Variants in OR14I1 observed in about 807,000 individuals in gnomAD.
OR14I1 encodes olfactory receptor family 14 subfamily I member 1, also known as olfactory receptor 14I1.
For missense variants in OR14I1, 279 were observed against 181.8 expected, an observed-to-expected ratio of 1.53 and a Z score of -3.07; for synonymous variants, 118 against 71.1, an observed-to-expected ratio of 1.66 and a Z score of -3.32.
At chr1:248,701,675 G>A in the OR14I1 span, among the ~76,000 whole-genome samples, 321 of 152,200 alleles carry the variant, frequency 2.1e-3, no homozygotes, top group African/African-American at 7.2e-3. Flanking sequence ...AAATTGATAC[G>A]AAGTGATAGG....
chr1:248,689,945 A>G, the OR14I1 span, among the ~76,000 whole-genome samples: 14 of 152,350 alleles, frequency 9.2e-5, no homozygotes, highest in East Asian at 2.7e-3. Flanking sequence ...ACACAACTAC[A>G]TGGAAACTGA....
chr1:248,681,803 T>C, exon 1 of OR14I1: 2 of 781,092 alleles, frequency 2.6e-6, no homozygotes, highest in South Asian at 2.7e-5. Context: ...ACACTGGATC[T>C]GCAAACGTGC....
At chr1:248,700,324 C>T in the OR14I1 span, among the ~76,000 whole-genome samples, 1 of 152,210 alleles carries the variant, frequency 6.6e-6, no homozygotes, top group African/African-American at 2.4e-5. Flanking sequence ...AGCCAACCAA[C>T]TATAGCGTGT....
chr1:248,691,747 C>T, the OR14I1 span: 1 of 152,382 alleles, frequency 6.6e-6, no homozygotes, highest in African/African-American at 2.4e-5. Flanking sequence ...TGCGCAGTGC[C>T]CTCCGGCCTA....
At chr1:248,690,298 T>C in the OR14I1 span, among the ~76,000 whole-genome samples, 1 of 152,030 alleles carries the variant, frequency 6.6e-6, no homozygotes, top group Non-Finnish European at 1.5e-5. Flanking sequence ...AGCTGGTTTT[T>C]TGAAAAGACT....
upstream of OR14I1, among the ~76,000 whole-genome samples, chr1:248,684,859 AATAAGTTGAAAAC>A (rs773842419): frequency 0.15 from 22,858 of 151,362 alleles, 1,810 homozygotes; most frequent in African/African-American, 0.18. Context: ...GGAGGGAAAA[AATAAGTTGAAAAC>A]ATTGAACAGT....
At chr1:248,682,205 G>A in exon 1 of OR14I1, 1 of 781,000 alleles carries the variant, frequency 1.3e-6, no homozygotes, top group South Asian at 1.3e-5. Flanking sequence ...AGCACTGCCA[G>A]ATAAATCAGC....
chr1:248,679,442 A>C (rs1437331844), downstream of OR14I1, among the ~76,000 whole-genome samples: 1 of 151,786 alleles, frequency 6.6e-6, no homozygotes. Context: ...AATATATGTA[A>C]TATAGCTATA....
upstream of OR14I1, among the ~76,000 whole-genome samples, chr1:248,686,112 C>T (rs1289717783): frequency 2.6e-5 from 4 of 151,898 alleles, no homozygotes; most frequent in Non-Finnish European, 2.9e-5. Flanking sequence ...TATTTTTAAC[C>T]GTAAAGCATA....
chr1:248,693,900 A>T, the OR14I1 span, among the ~76,000 whole-genome samples: 5,874 of 119,972 alleles, frequency 0.049, 208 homozygotes, highest in African/African-American at 0.14. Flanking sequence ...AGAACTTTTT[A>T]AAAAAAAAAA....
At chr1:248,688,929 G>A in the OR14I1 span, among the ~76,000 whole-genome samples, 28 of 152,236 alleles carry the variant, frequency 1.8e-4, no homozygotes, top group Non-Finnish European at 3.4e-4. Context: ...TTTTTTCTCT[G>A]GGGGATTGGT....
the OR14I1 span, among the ~76,000 whole-genome samples, chr1:248,693,777 AT>A: frequency 7.4e-4 from 106 of 142,994 alleles, no homozygotes; most frequent in Non-Finnish European, 1.3e-3. Flanking sequence ...ATCAAAGCTC[AT>A]TTAAAAAAAA....
At chr1:248,680,281 T>A (rs1174134172), downstream of OR14I1, among the ~76,000 whole-genome samples, 1 of 152,236 alleles carries the variant, frequency 6.6e-6, no homozygotes, top group Admixed American at 6.5e-5. Flanking sequence ...CAGAATTTTA[T>A]GTTTTATTGT....
At chr1:248,688,037 T>C in the OR14I1 span, among the ~76,000 whole-genome samples, 1 of 152,264 alleles carries the variant, frequency 6.6e-6, no homozygotes, top group Admixed American at 6.5e-5. Context: ...TTAATGTTTT[T>C]TTATTTGCTC....
chr1:248,688,099 C>G, the OR14I1 span, among the ~76,000 whole-genome samples: 2 of 152,144 alleles, frequency 1.3e-5, no homozygotes, highest in Non-Finnish European at 2.9e-5. Flanking sequence ...GTTATCTACC[C>G]TAAACTTGCA....
the OR14I1 span, among the ~76,000 whole-genome samples, chr1:248,688,877 T>C: frequency 6.6e-6 from 1 of 152,240 alleles, no homozygotes; most frequent in Non-Finnish European, 1.5e-5. Flanking sequence ...GTCAGATAGC[T>C]TCAGGTATGG....
the OR14I1 span, among the ~76,000 whole-genome samples, chr1:248,698,336 T>A: frequency 5.6e-3 from 852 of 152,352 alleles, 10 homozygotes; most frequent in African/African-American, 0.019. Context: ...CTGAAGGTGC[T>A]TTGAAAGGCA....
upstream of OR14I1, among the ~76,000 whole-genome samples, chr1:248,683,560 A>G (rs781464073): frequency 9.2e-5 from 14 of 152,240 alleles, no homozygotes; most frequent in Non-Finnish European, 1.9e-4. Flanking sequence ...TATTTATAAG[A>G]CAGGTAGAAC....
the OR14I1 span, among the ~76,000 whole-genome samples, chr1:248,696,235 G>A: frequency 6.6e-6 from 1 of 152,166 alleles, no homozygotes; most frequent in African/African-American, 2.4e-5. Flanking sequence ...CTGGTCTGGG[G>A]GAGGTGAACA....
Sources: gnomAD v4.1 joint callset for allele counts (sites outside exome capture counted in the v4.1 genomes callset) on GRCh38, gnomAD v4.1.1 for gene constraint, MANE v1.5 for transcripts, NCBI Gene and HGNC (gene_info 2026-07-23, HGNC 2026-07-21) for gene names.